The following BCL3 variants were observed in gnomAD, a reference collection of about 807,000 sequenced individuals.
The protein encoded by BCL3 is BCL3 transcription coactivator, also known as B-cell lymphoma 3 protein.
BCL3 carries 15 observed loss-of-function variants against 35.7 expected under a neutral mutation model. The observed-to-expected ratio is 0.42, with a 90% confidence interval of 0.28 to 0.65. BCL3 has a LOEUF of 0.65. BCL3 is among the 30% of genes least tolerant of loss of function. The pLI, the probability that BCL3 is intolerant of heterozygous loss-of-function variation, is 0.22. For missense variants in BCL3, 565 were observed against 641.7 expected (o/e 0.88, Z 1.29); for synonymous variants, 311 against 284.3 (o/e 1.09, Z -0.95).
chr19:44,752,564 C>T (rs1023015880), intron 2 of BCL3, among the ~76,000 whole-genome samples: 1 of 152,054 alleles, frequency 6.6e-6, no homozygotes, highest in Non-Finnish European at 1.5e-5. Flanking sequence ...ATGGTCACAG[C>T]CCACTACATT....
chr19:44,758,109 C>G, intron 6 of BCL3, 137 bp from the exon 7 acceptor site: 1 of 941,418 alleles, frequency 1.1e-6, no homozygotes. Flanking sequence ...GCCCTTGGCT[C>G]TCGCTCCTAC....
chr19:44,759,344 T>TCAGACCCCCAGCCCCTCCTCCCA, intron 8 of BCL3, 84 bp from the exon 9 acceptor site: 2 of 419,992 alleles, frequency 4.8e-6, no homozygotes, highest in Non-Finnish European at 7.6e-6. Flanking sequence ...CCCTCCTCCC[T>TCAGACCCCCAGCCCCTCCTCCCA]CAGACCCAGA....
Position 44,757,483 on chromosome 19 carries a change from G to A in BCL3, c.813+68G>A, listed in dbSNP as rs1967318043. 7.2e-7 allele frequency: 1 copy of A among 1,392,596 alleles called. No individual in the cohort carries two copies. Among genetic ancestry groups the A allele is most frequent in the East Asian group, 2.5e-5 (1 of 39,676 alleles). 86.3% of individuals were successfully genotyped at this position (1,392,596 alleles called of 1,614,324 possible). A position where few individuals can be genotyped will look rare whatever the true frequency, so the allele number is the denominator to read the frequency against. ...GGGGCGGGGTCTTGGCGGGGGCGGG[G>A]CCAGTGTGGGGCTGGCGTGGGAGAG... On this transcript the variant is annotated intron_variant, in intron 5 of 8. Transcript: ENST00000164227. This position sits in a 1 kb window ranked among gnomAD's most constrained non-coding sequence, Gnocchi z 8.4.
Position 44,757,409 on chromosome 19 carries a change from C to T in BCL3, c.807C>T (p.Asp269=). The change falls in exon 5 of 9, where the codon GAC becomes GAT. Residue 269 remains aspartate (D), a synonymous_variant. Transcript: ENST00000164227. The surrounding 1 kb of genome is among the most constrained non-coding windows in gnomAD (Gnocchi z 8.4). The part of the protein sequence containing the change: ...QLLLERGADI[D]AVDIKSGRSP... ...TGCTAGAGCGCGGTGCCGACATCGA[C>T]GCAGTGGTGAGCGTGCACTAGGAGC... The T allele has an allele frequency of 6.3e-7, 1 of 1,596,412 alleles. No individual in the cohort carries two copies. Among genetic ancestry groups the T allele is most frequent in the Middle Eastern group, 1.7e-4 (1 of 6,028 alleles).
intron 3 of BCL3, 93 bp from the exon 4 acceptor site, chr19:44,756,924 T>A: frequency 8.2e-7 from 1 of 1,223,184 alleles, no homozygotes; most frequent in Non-Finnish European, 1.1e-6. Flanking sequence ...TGGGGAAGAC[T>A]GCAGGATGAG....
Position 44,751,238 on chromosome 19 carries a change from C to A in BCL3, c.268C>A (p.Pro90Thr). ...EALYYPGALLPLYPTRAMGSP... is the reference protein window; with the variant it reads ...EALYYPGALLTLYPTRAMGSP... The stretch of plus-strand genomic sequence containing the variant: ...CCTCCATTGTCCAGGAGCCTTACTG[C>A]CTTTGTACCCCACTCGGGCCATGGG... The change falls in exon 2 of 9, where the codon CCT becomes ACT. Residue 90 changes from proline (P) to threonine (T), a missense_variant. Pro to Thr is a conservative substitution (Grantham distance 38). This residue lies in a region of BCL3 where 267 missense variants were observed against 281.5 expected (regional missense o/e 0.95). Coordinates refer to ENST00000164227, the MANE Select transcript of BCL3 (RefSeq NM_005178.5). 1 of 1,610,938 alleles carries A rather than the reference C, an allele frequency of 6.2e-7. No individual in the cohort carries two copies. Among genetic ancestry groups the A allele is most frequent in the Non-Finnish European group, 8.5e-7 (1 of 1,178,700 alleles).
At chr19:44,756,418 C>A in intron 3 of BCL3, 78 bp downstream of exon 3, 1 of 1,027,260 alleles carries the variant, frequency 9.7e-7, no homozygotes. Flanking sequence ...GGCCTGAACT[C>A]CTGGGTCTGA....
chr19:44,754,424 CA>C (rs1967242891), intron 2 of BCL3, among the ~76,000 whole-genome samples: 1 of 152,098 alleles, frequency 6.6e-6, no homozygotes, highest in African/African-American at 2.4e-5. Flanking sequence ...GTTGGGGTGC[CA>C]GGGGTGGCCA....
rs1967119771 is a variant in BCL3, at chr19:44,748,905, GCGC to G, written c.117_119del (p.Pro40del). On this transcript the variant is annotated inframe_deletion, in exon 1 of 9. Transcript: ENST00000164227. ...GCCGCTCCGCAAGCGCCCGCTGCGC[GCGC>G]CCTCCCCGGAGCCCGCCGCTCCCCG... 2 of 1,142,886 alleles carry G rather than the reference GCGC, an allele frequency of 1.7e-6. No homozygotes were observed. Among genetic ancestry groups the G allele is most frequent in the Non-Finnish European group, 2.1e-6 (2 of 933,162 alleles). The allele number at this position is 1,142,886 out of a possible 1,614,324, so 70.8% of individuals were successfully genotyped here. A position where few individuals can be genotyped will look rare whatever the true frequency, so the allele number is the denominator to read the frequency against.
intron 2 of BCL3, chr19:44,755,482 C>G (rs2122295567): frequency 6.6e-6 from 1 of 152,394 alleles, no homozygotes; most frequent in Non-Finnish European, 1.5e-5. Context: ...AGGGTAATTC[C>G]CAAATGGTCT....
In BCL3 at chr19:44,757,360, A is replaced by C; in HGVS notation, c.758A>C (p.Glu253Ala). The C allele has an allele frequency of 6.2e-7, 1 of 1,606,768 alleles. No homozygotes were observed. Among genetic ancestry groups the C allele is most frequent in the South Asian group, 1.1e-5 (1 of 89,726 alleles). Residue 253 changes from glutamate (E) to alanine (A), a missense_variant, in exon 5 of 9, where the codon GAG becomes GCG. This residue lies in a region of BCL3 where 103 missense variants were observed against 106.7 expected (regional missense o/e 0.97). Transcript: ENST00000164227. This position sits in a 1 kb window ranked among gnomAD's most constrained non-coding sequence, Gnocchi z 8.4. ...GCCCTGCACGTGGCAGTGAACACCG[A>C]GTGCCAAGAAACCGTGCAGCTCTTG... is the stretch of plus-strand genomic sequence containing the variant. ...LTALHVAVNT[E>A]CQETVQLLLE...
chr19:44,752,696 A>G (rs1967204445), intron 2 of BCL3, among the ~76,000 whole-genome samples: 2 of 152,294 alleles, frequency 1.3e-5, no homozygotes, highest in Admixed American at 1.3e-4. Flanking sequence ...TGCCTAGCAC[A>G]TAGTAAGCAC....
At position 44,759,529 on chromosome 19, in the gene BCL3, TCTC is replaced by T. The variant is rs757303243; in HGVS notation, c.1281_1283del (p.Pro429del). 3.1e-6 allele frequency: 5 copies of T among 1,612,708 alleles called. No individual in the cohort carries two copies. Among genetic ancestry groups the T allele is most frequent in the Non-Finnish European group, 4.2e-6 (5 of 1,179,622 alleles). ...TCCCAATTTCTTCCTTCCTTCCCCA[TCTC>T]CACCCGCCTTCCTGCCCTTTGCTGG... On this transcript the variant is annotated inframe_deletion, in exon 9 of 9. Coordinates refer to ENST00000164227, the MANE Select transcript of BCL3 (RefSeq NM_005178.5).
At chr19:44,752,058 ATTATT>A (rs1311399754) in intron 2 of BCL3, among the ~76,000 whole-genome samples, 2 of 149,342 alleles carry the variant, frequency 1.3e-5, no homozygotes, top group Admixed American at 1.3e-4. Context: ...TAATATTACT[ATTATT>A]TTATCTCAAA....
At chr19:44,750,621 G>A (rs1477632648) in intron 1 of BCL3, among the ~76,000 whole-genome samples, 1 of 152,056 alleles carries the variant, frequency 6.6e-6, no homozygotes, top group Admixed American at 6.6e-5. Flanking sequence ...TTTTTAAACA[G>A]TTTGATCTAA....
upstream of BCL3, chr19:44,747,854 A>G: frequency 8.7e-7 from 1 of 1,151,164 alleles, no homozygotes; most frequent in Non-Finnish European, 1.1e-6. Context: ...CCGAGCACCC[A>G]CCCCGGTGCC....
chr19:44,750,509 G>C (rs917745311), intron 1 of BCL3, among the ~76,000 whole-genome samples: 5 of 152,082 alleles, frequency 3.3e-5, no homozygotes, highest in Admixed American at 1.3e-4. Context: ...ATGTTGCCCA[G>C]ACTGGTATTG....
intron 1 of BCL3, among the ~76,000 whole-genome samples, chr19:44,749,802 T>C (rs979603252): frequency 1.3e-5 from 2 of 152,016 alleles, no homozygotes; most frequent in African/African-American, 2.4e-5. Context: ...GATCCTAAGA[T>C]TGGGTAATTC....
chr19:44,754,001 A>T (rs2122290525), intron 2 of BCL3, among the ~76,000 whole-genome samples: 1 of 152,246 alleles, frequency 6.6e-6, no homozygotes, highest in South Asian at 2.1e-4. Flanking sequence ...AAAACTTAAG[A>T]ATTTCACGAC....
Sources: allele counts gnomAD v4.1 joint callset (sites outside exome capture counted in the v4.1 genomes callset), GRCh38; gene constraint gnomAD v4.1.1; regional missense constraint gnomAD v4.1.1; non-coding constraint Gnocchi (gnomAD v3.1); transcripts MANE v1.5; gene names NCBI Gene and HGNC (gene_info 2026-07-23, HGNC 2026-07-21).